PODXL: variants seen among roughly 807,000 people sequenced by gnomAD.
PODXL encodes podocalyxin.
PODXL carries 20 observed loss-of-function variants against 48.9 expected under a neutral mutation model. The ratio of observed to expected loss-of-function variants is 0.41; its 90% confidence interval spans 0.29 to 0.59. The LOEUF (loss-of-function observed/expected upper bound fraction) is 0.59. Ranked by LOEUF, PODXL falls within the 20% of genes least tolerant of loss-of-function variation. The pLI is 0.31. For missense variants in PODXL, 606 were observed against 675.1 expected (o/e 0.90, Z 1.13); for synonymous variants, 295 against 287.4 (o/e 1.03, Z -0.27).
intron 1 of PODXL, among the ~76,000 whole-genome samples, chr7:131,548,842 G>A (rs1480491308): frequency 2.0e-5 from 3 of 151,826 alleles, no homozygotes; most frequent in South Asian, 2.1e-4. Flanking sequence ...GACCTAGGCC[G>A]GCCCCCACCT....
At chr7:131,508,447 G>A (rs1797847215) in intron 5 of PODXL, among the ~76,000 whole-genome samples, 1 of 152,108 alleles carries the variant, frequency 6.6e-6, no homozygotes, top group African/African-American at 2.4e-5. Flanking sequence ...TGTAAAAACA[G>A]GGTCTTCCTA....
chr7:131,534,608 G>T (rs1251459904), intron 1 of PODXL, among the ~76,000 whole-genome samples: 1 of 152,152 alleles, frequency 6.6e-6, no homozygotes, highest in Non-Finnish European at 1.5e-5. Flanking sequence ...TCCCTCTTGG[G>T]CCTGGCTTTC....
intron 1 of PODXL, among the ~76,000 whole-genome samples, chr7:131,549,042 T>A (rs1798627712): frequency 6.6e-6 from 1 of 152,184 alleles, no homozygotes; most frequent in African/African-American, 2.4e-5. Flanking sequence ...CCTGCCCTCA[T>A]GGAACTTACA....
intron 1 of PODXL, among the ~76,000 whole-genome samples, chr7:131,543,580 G>A (rs1177294900): frequency 2.0e-5 from 3 of 152,024 alleles, no homozygotes; most frequent in African/African-American, 7.3e-5. Context: ...GCACCACCAC[G>A]CCTTCTTTGG....
intron 1 of PODXL, among the ~76,000 whole-genome samples, chr7:131,538,631 C>T (rs1439851104): frequency 3.3e-5 from 5 of 152,220 alleles, no homozygotes; most frequent in East Asian, 1.9e-4. Context: ...GGAATTCAAT[C>T]GACGGTGCCA....
At chr7:131,531,261 CTT>C (rs1390043783) in intron 1 of PODXL, among the ~76,000 whole-genome samples, 1 of 152,144 alleles carries the variant, frequency 6.6e-6, no homozygotes, top group Admixed American at 6.6e-5. Context: ...TATCCAGCCG[CTT>C]ATAAACAATT....
At chr7:131,520,054 C>G (rs1584815677) in intron 1 of PODXL, 1 of 188,104 alleles carries the variant, frequency 5.3e-6, no homozygotes, top group South Asian at 9.4e-5. Context: ...AAAAAACTTA[C>G]CAGAGTGACT....
Position 131,512,332 on chromosome 7 carries a change from C to T in PODXL, c.101-899G>A, listed in dbSNP as rs138832381. 3.6e-3 allele frequency among the ~76,000 whole-genome samples: 544 copies of T among 152,162 alleles called. 1 individual carries two copies. The highest frequency in any genetic ancestry group is 0.011 in the African/African-American group (468 of 41,508). Reference sequence around the variant, plus strand: ...AGACTAACCACCTGGACAGAGCAGCCGTCAAATCTGCTTACTACACGGAGG... The same window carrying T: ...AGACTAACCACCTGGACAGAGCAGCTGTCAAATCTGCTTACTACACGGAGG... On this transcript the variant is annotated intron_variant, in intron 1 of 8. Transcript: ENST00000378555.
chr7:131,538,764 C>A (rs1342109946), intron 1 of PODXL, among the ~76,000 whole-genome samples: 4 of 152,146 alleles, frequency 2.6e-5, no homozygotes, highest in Admixed American at 6.5e-5. Flanking sequence ...ACTGTTGTTG[C>A]TGTTGCTAAC....
chr7:131,509,604 G>A lies in PODXL; in HGVS notation c.803-19C>T. Reference sequence around the variant, plus strand: ...GATGACGCTGTCATTGGGAAAACGAGGGTAATGAGAAAAGATGAGTGCACC... The same window carrying A: ...GATGACGCTGTCATTGGGAAAACGAAGGTAATGAGAAAAGATGAGTGCACC... On this transcript the variant is annotated intron_variant, in intron 3 of 8. Transcript: ENST00000378555. 6.7e-7 allele frequency: 1 copy of A among 1,493,704 alleles called. No homozygotes were observed. Among genetic ancestry groups the A allele is most frequent in the Non-Finnish European group, 9.0e-7 (1 of 1,110,130 alleles). The allele number at this position is 1,493,704 out of a possible 1,614,324, so 92.5% of individuals were successfully genotyped here.
intron 1 of PODXL, among the ~76,000 whole-genome samples, chr7:131,555,575 G>A (rs774070324): frequency 1.3e-4 from 20 of 152,234 alleles, no homozygotes; most frequent in Non-Finnish European, 2.8e-4. Flanking sequence ...GGATTCGAGG[G>A]GGGTCTCACC....
chr7:131,506,429 T>A lies in PODXL; in HGVS notation c.1250-108A>T, dbSNP rs1030714993. 9.0e-6 allele frequency: 13 copies of A among 1,439,374 alleles called. No individual in the cohort carries two copies. The African/African-American group carries it at 1.7e-4, about 19-fold the overall frequency. 89.2% of individuals were successfully genotyped at this position (1,439,374 alleles called of 1,614,324 possible). On this transcript the variant is annotated intron_variant, in intron 6 of 8. Coordinates refer to ENST00000378555, the MANE Select transcript of PODXL (RefSeq NM_001018111.3). ...GCACCGTATCTCAGTCTCCTGAGTG[T>A]CTCTCGGGTGACCTGGGAGGGGGTG...
At chr7:131,548,728 A>G (rs1798622341) in intron 1 of PODXL, among the ~76,000 whole-genome samples, 1 of 152,166 alleles carries the variant, frequency 6.6e-6, no homozygotes, top group African/African-American at 2.4e-5. Context: ...CACAAGCCCC[A>G]ATCCTCAGCT....
intron 1 of PODXL, among the ~76,000 whole-genome samples, chr7:131,513,052 C>T (rs1195299033): frequency 6.7e-6 from 1 of 150,196 alleles, no homozygotes; most frequent in Admixed American, 6.6e-5. Context: ...TAAGATCATA[C>T]TCCTCAGAGG....
At chr7:131,521,273 T>C (rs966543401) in intron 1 of PODXL, among the ~76,000 whole-genome samples, 4 of 151,540 alleles carry the variant, frequency 2.6e-5, no homozygotes, top group Admixed American at 1.3e-4. Flanking sequence ...CAGGGAGCAA[T>C]GGGACCCGAG....
chr7:131,503,835 C>G lies in PODXL; in HGVS notation c.*476G>C, dbSNP rs1797753074. 6.3e-6 allele frequency: 1 copy of G among 159,694 alleles called. No homozygotes were observed. Among genetic ancestry groups the G allele is most frequent in the Non-Finnish European group, 1.4e-5 (1 of 73,100 alleles). 9.9% of individuals were successfully genotyped at this position (159,694 alleles called of 1,614,324 possible). A position where few individuals can be genotyped will look rare whatever the true frequency, so the allele number is the denominator to read the frequency against. ...TGTAGCCCTGCCCTCCTTTCCAGCC[C>G]AGCCACCTGCTGGAGTTTCACCCCT... On this transcript the variant is annotated 3_prime_UTR_variant, in exon 9 of 9. Coordinates refer to ENST00000378555, the MANE Select transcript of PODXL (RefSeq NM_001018111.3).
rs768690737 is a variant in PODXL at position 131,506,558 on chromosome 7, G to T, written c.1249+21C>A. 4.3e-6 allele frequency: 7 copies of T among 1,612,180 alleles called. No homozygotes were observed. The South Asian group carries it at 6.6e-5, about 15-fold the overall frequency. ...CCCACCCATGCAGGCCCCAGCCCAG[G>T]CCCCCTTGCCCTCCACTCACTGTGA... On this transcript the variant is annotated intron_variant, in intron 6 of 8. Coordinates refer to ENST00000378555, the MANE Select transcript of PODXL (RefSeq NM_001018111.3).
chr7:131,544,657 ACGC>A (rs1562917797), intron 1 of PODXL, among the ~76,000 whole-genome samples: 1 of 13,136 alleles, frequency 7.6e-5, no homozygotes, highest in East Asian at 0.029. Flanking sequence ...GCCCTGTACT[ACGC>A]ACGCACGCCC....
chr7:131,538,176 T>C (rs2398793), intron 1 of PODXL, among the ~76,000 whole-genome samples: 61,315 of 151,924 alleles, frequency 0.4, 14,129 homozygotes, highest in Admixed American at 0.56. Context: ...TGCTCTGACT[T>C]AGTTGGGAGG....
Sources: gnomAD v4.1 joint callset for allele counts (sites outside exome capture counted in the v4.1 genomes callset) on GRCh38, gnomAD v4.1.1 for gene constraint, MANE v1.5 for transcripts, NCBI Gene and HGNC (gene_info 2026-07-23, HGNC 2026-07-21) for gene names.